The following NRG3 variants were observed in gnomAD, a reference collection of about 807,000 sequenced individuals.
NRG3 encodes the protein pro-neuregulin-3, membrane-bound isoform.
A neutral mutation model predicts 66.9 loss-of-function variants in NRG3; 31 were observed. The ratio of observed to expected loss-of-function variants is 0.46; its 90% confidence interval spans 0.35 to 0.63. The LOEUF (loss-of-function observed/expected upper bound fraction) is 0.63, where lower values mean the gene tolerates loss of function less well. Among genes scored for constraint, NRG3 ranks in the 20% least tolerant of loss-of-function variants. The pLI is 0.00. For synonymous variants in NRG3, 393 were observed against 359.4 expected, an observed-to-expected ratio of 1.09 and a Z score of -1.06; for missense variants, 910 against 878.9, an observed-to-expected ratio of 1.04 and a Z score of -0.45.
At chr10:82,175,105 A>G (rs887038556) in intron 1 of NRG3, among the ~76,000 whole-genome samples, 4 of 152,144 alleles carry the variant, frequency 2.6e-5, no homozygotes, top group African/African-American at 9.7e-5. Context: ...AGGGACATTA[A>G]GACCTACCCT....
intron 1 of NRG3, among the ~76,000 whole-genome samples, chr10:81,989,029 A>T (rs1469279296): frequency 6.6e-6 from 1 of 152,204 alleles, no homozygotes; most frequent in African/African-American, 2.4e-5. Flanking sequence ...GTTAGAGCAG[A>T]AATGAAATTA....
intron 1 of NRG3, among the ~76,000 whole-genome samples, chr10:82,343,560 A>G (rs2082797280): frequency 6.6e-6 from 1 of 152,194 alleles, no homozygotes; most frequent in Non-Finnish European, 1.5e-5. Flanking sequence ...TTCATGTGGA[A>G]CCAAAAAAGG....
At chr10:82,194,797 G>T (rs1012680712) in intron 1 of NRG3, among the ~76,000 whole-genome samples, 1 of 152,252 alleles carries the variant, frequency 6.6e-6, no homozygotes, top group East Asian at 1.9e-4. Flanking sequence ...AGGTATAAGG[G>T]CATTTCCTCT....
chr10:82,926,169 G>C (rs977866900), intron 4 of NRG3, among the ~76,000 whole-genome samples: 2 of 152,184 alleles, frequency 1.3e-5, no homozygotes, highest in African/African-American at 4.8e-5. Flanking sequence ...TTTGCCATAT[G>C]CCAAATATAT....
At chr10:81,967,605 G>A (rs1483288002) in intron 1 of NRG3, among the ~76,000 whole-genome samples, 1 of 151,798 alleles carries the variant, frequency 6.6e-6, no homozygotes, top group Non-Finnish European at 1.5e-5. Context: ...TGATTTCTTA[G>A]AAAGTTAGAT....
chr10:82,348,714 G>A (rs1356404798), intron 1 of NRG3, among the ~76,000 whole-genome samples: 6 of 150,848 alleles, frequency 4.0e-5, no homozygotes, highest in East Asian at 3.9e-4. Context: ...CCAATCAGAC[G>A]TAGATTTGGT....
chr10:82,052,418 T>G (rs1297599579), intron 1 of NRG3, among the ~76,000 whole-genome samples: 1 of 152,126 alleles, frequency 6.6e-6, no homozygotes, highest in African/African-American at 2.4e-5. Flanking sequence ...TTCCAAGAAC[T>G]GCACTGGTCA....
At chr10:82,393,161 G>T (rs2086497678) in intron 2 of NRG3, among the ~76,000 whole-genome samples, 1 of 152,238 alleles carries the variant, frequency 6.6e-6, no homozygotes, top group South Asian at 2.1e-4. Context: ...TGAGACAAAG[G>T]TGTAGCTGTC....
chr10:82,663,856 G>T (rs1348458217), intron 2 of NRG3, among the ~76,000 whole-genome samples: 1 of 152,166 alleles, frequency 6.6e-6, no homozygotes, highest in Non-Finnish European at 1.5e-5. Context: ...AATTATATCT[G>T]GAGTTTGAAA....
intron 1 of NRG3, among the ~76,000 whole-genome samples, chr10:82,080,841 C>G (rs1467052047): frequency 6.6e-6 from 1 of 152,086 alleles, no homozygotes; most frequent in Non-Finnish European, 1.5e-5. Context: ...TATCTATACC[C>G]AAAACTTTTT....
intron 1 of NRG3, among the ~76,000 whole-genome samples, chr10:81,911,603 GTTTTT>G (rs796518872): frequency 2.6e-5 from 2 of 77,964 alleles, no homozygotes; most frequent in African/African-American, 4.5e-5. Flanking sequence ...GCACAGACTT[GTTTTT>G]TTTTTTTTTT....
intron 1 of NRG3, among the ~76,000 whole-genome samples, chr10:81,931,529 G>A (rs1440848426): frequency 6.6e-6 from 1 of 152,116 alleles, no homozygotes; most frequent in Non-Finnish European, 1.5e-5. Context: ...TTGGGTTGTG[G>A]TCCCTCTCTC....
At chr10:82,266,219 G>T (rs1564728965) in intron 1 of NRG3, among the ~76,000 whole-genome samples, 1 of 152,130 alleles carries the variant, frequency 6.6e-6, no homozygotes, top group Non-Finnish European at 1.5e-5. Context: ...TAATGGGATT[G>T]AGCCTATTGG....
intron 3 of NRG3, among the ~76,000 whole-genome samples, chr10:82,753,969 C>T (rs976624277): frequency 6.6e-6 from 1 of 150,952 alleles, no homozygotes; most frequent in African/African-American, 2.4e-5. Flanking sequence ...AAAGTTCCTT[C>T]TCACTCCAAA....
intron 1 of NRG3, among the ~76,000 whole-genome samples, chr10:81,894,844 C>A (rs570537347): frequency 2.0e-4 from 30 of 152,272 alleles, no homozygotes; most frequent in Non-Finnish European, 4.0e-4. Context: ...GGCCTTGCGA[C>A]AGCCGCTGCC....
At chr10:82,314,153 A>T (rs1307620158) in intron 1 of NRG3, among the ~76,000 whole-genome samples, 2 of 152,164 alleles carry the variant, frequency 1.3e-5, no homozygotes, top group Admixed American at 6.5e-5. Flanking sequence ...TAAATAATAA[A>T]TATTACCTCT....
intron 1 of NRG3, among the ~76,000 whole-genome samples, chr10:82,233,781 A>T (rs2133920568): frequency 6.6e-6 from 1 of 151,976 alleles, no homozygotes; most frequent in East Asian, 1.9e-4. Flanking sequence ...TAATTCCATT[A>T]CTCTTCCCTT....
intron 1 of NRG3, among the ~76,000 whole-genome samples, chr10:82,322,372 G>T (rs1475577166): frequency 1.3e-5 from 2 of 152,118 alleles, no homozygotes; most frequent in Non-Finnish European, 1.5e-5. Flanking sequence ...TGAAGAATAT[G>T]TAAGTAGGGA....
At chr10:82,087,125 G>A (rs2065771643) in intron 1 of NRG3, among the ~76,000 whole-genome samples, 1 of 152,122 alleles carries the variant, frequency 6.6e-6, no homozygotes, top group African/African-American at 2.4e-5. Flanking sequence ...TTGGTAAAAA[G>A]CAGTTCTGAT....
Sources: gnomAD v4.1 joint callset for allele counts (sites outside exome capture counted in the v4.1 genomes callset) on GRCh38, gnomAD v4.1.1 for gene constraint, MANE v1.5 for transcripts, NCBI Gene and HGNC (gene_info 2026-07-23, HGNC 2026-07-21) for gene names.